AGAP1: variants seen among roughly 807,000 people sequenced by gnomAD.
AGAP1 encodes the protein ArfGAP with GTPase domain, ankyrin repeat and PH domain 1.
AGAP1 carries 29 observed loss-of-function variants against 105.3 expected under a neutral mutation model. That is an observed-to-expected ratio of 0.28 (90% confidence interval 0.21 to 0.38). The LOEUF (loss-of-function observed/expected upper bound fraction) is 0.38. Ranked by LOEUF, AGAP1 falls within the 10% of genes least tolerant of loss-of-function variation. AGAP1 has a pLI of 1.00. For synonymous variants in AGAP1, 509 were observed against 485.9 expected (o/e 1.05, Z -0.63); for missense variants, 998 against 1,165.1 (o/e 0.86, Z 2.09).
At chr2:235,844,468 G>A (rs964622463) in intron 9 of AGAP1, among the ~76,000 whole-genome samples, 1 of 152,144 alleles carries the variant, frequency 6.6e-6, no homozygotes, top group Non-Finnish European at 1.5e-5. Context: ...TTAAATGTTG[G>A]CAACTGATTC....
Position 235,965,623 on chromosome 2 carries a change from G to A in AGAP1, c.1484-2839G>A, listed in dbSNP as rs1470922057. 6.6e-6 allele frequency among the ~76,000 whole-genome samples: 1 copy of A among 152,156 alleles called. No individual in the cohort carries two copies. The highest frequency in any genetic ancestry group is 1.5e-5 in the Non-Finnish European group (1 of 68,042). On this transcript the variant is annotated intron_variant, in intron 12 of 17. Transcript: ENST00000304032. This position sits in a 1 kb window ranked among gnomAD's most constrained non-coding sequence, Gnocchi z 5.8. ...TTTTCTAATCTGTAAAGTGGAGGTG[G>A]TAGGGATACCACGTGCCTCAGCGGA...
intron 1 of AGAP1, among the ~76,000 whole-genome samples, chr2:235,565,160 T>A (rs58195046): frequency 6.8e-6 from 1 of 147,130 alleles, no homozygotes; most frequent in Non-Finnish European, 1.5e-5. Flanking sequence ...GGTGTGAGCC[T>A]GGACCACCAC....
chr2:236,048,903 C>A (rs2057810085), intron 15 of AGAP1, among the ~76,000 whole-genome samples, 156 bp from the exon 16 acceptor site: 1 of 152,266 alleles, frequency 6.6e-6, no homozygotes, highest in South Asian at 2.1e-4. Flanking sequence ...ACACCTGAAA[C>A]AGGACTGAGC....
chr2:235,640,854 T>C (rs1006145420), intron 1 of AGAP1, among the ~76,000 whole-genome samples: 6 of 152,328 alleles, frequency 3.9e-5, no homozygotes, highest in South Asian at 2.1e-4. Flanking sequence ...ATTTGGTGGA[T>C]TGGAAAAGAT....
intron 1 of AGAP1, among the ~76,000 whole-genome samples, chr2:235,568,060 C>T (rs185010107): frequency 6.6e-6 from 1 of 152,224 alleles, no homozygotes; most frequent in Non-Finnish European, 1.5e-5. Context: ...TCCCTTCAGT[C>T]TCTGGGGCTC....
chr2:236,102,212 TC>T (rs2059367644), intron 16 of AGAP1, among the ~76,000 whole-genome samples: 1 of 151,924 alleles, frequency 6.6e-6, no homozygotes, highest in Non-Finnish European at 1.5e-5. Context: ...GGTCAGGAGA[TC>T]GAGACCATCC....
chr2:235,950,404 G>A lies in AGAP1; in HGVS notation c.1484-18058G>A, dbSNP rs1324305603. Among the ~76,000 whole-genome samples, 19 of 151,912 alleles carry A rather than the reference G, an allele frequency of 1.3e-4. 1 individual carries two copies. The highest frequency in any genetic ancestry group is 1.5e-5 in the Non-Finnish European group (1 of 67,974). ...GTGTGGGCAGGAGCAAATGCCGGGA[G>A]TATATGCAAGAGAAAATTATGGCTG... On this transcript the variant is annotated intron_variant, in intron 12 of 17. Coordinates refer to ENST00000304032, the MANE Select transcript of AGAP1 (RefSeq NM_001037131.3).
chr2:235,576,003 T>C (rs895734425), intron 1 of AGAP1, among the ~76,000 whole-genome samples: 1 of 152,210 alleles, frequency 6.6e-6, no homozygotes, highest in African/African-American at 2.4e-5. Context: ...TACCTTTCCC[T>C]TGTCCTAGGG....
At chr2:236,030,311 A>T (rs2057186678) in intron 13 of AGAP1, among the ~76,000 whole-genome samples, 1 of 152,346 alleles carries the variant, frequency 6.6e-6, no homozygotes, top group Non-Finnish European at 1.5e-5. Context: ...CACCATGCCC[A>T]GCCTGTATCA....
intron 1 of AGAP1, among the ~76,000 whole-genome samples, chr2:235,619,058 G>A (rs952146921): frequency 3.9e-5 from 6 of 152,218 alleles, no homozygotes; most frequent in East Asian, 3.9e-4. Context: ...GCTAGGAGCC[G>A]GAAAAGGCAA....
At position 235,744,761 on chromosome 2, in the gene AGAP1, A is replaced by G. The variant is rs1281504119; in HGVS notation, c.460A>G (p.Thr154Ala). 6.2e-7 allele frequency: 1 copy of G among 1,613,878 alleles called. No individual in the cohort carries two copies. The highest frequency in any genetic ancestry group is 2.2e-5 in the East Asian group (1 of 44,820). The change falls in exon 5 of 18, where the codon ACC becomes GCC. Residue 154 changes from threonine (T) to alanine (A), a missense_variant. Coordinates refer to ENST00000304032, the MANE Select transcript of AGAP1 (RefSeq NM_001037131.3). This position sits in a 1 kb window ranked among gnomAD's most constrained non-coding sequence, Gnocchi z 5.2. Reference protein sequence around the residue: ...FSLEDEISFQTVYHYYSRMAN... With the variant: ...FSLEDEISFQAVYHYYSRMAN... ...CTTGGAGGATGAAATAAGTTTCCAG[A>G]CCGTTTACCACTACTACAGTCGAAT...
At chr2:235,899,765 G>T (rs1409610005) in intron 10 of AGAP1, among the ~76,000 whole-genome samples, 2 of 151,960 alleles carry the variant, frequency 1.3e-5, no homozygotes, top group East Asian at 1.9e-4. Context: ...CAGTGACTGT[G>T]TAGAGACAAG....
At chr2:235,704,336 T>C (rs1162480710) in intron 1 of AGAP1, among the ~76,000 whole-genome samples, 4 of 152,224 alleles carry the variant, frequency 2.6e-5, no homozygotes, top group Non-Finnish European at 4.4e-5. Flanking sequence ...GACAAAGCTC[T>C]GCAGGGAGCT....
At chr2:235,650,869 C>T (rs1432259993) in intron 1 of AGAP1, among the ~76,000 whole-genome samples, 1 of 152,018 alleles carries the variant, frequency 6.6e-6, no homozygotes, top group African/African-American at 2.4e-5. Context: ...TGTGTGGCAC[C>T]ATTAGGAGAC....
chr2:235,829,660 T>A (rs1451928955), intron 9 of AGAP1, among the ~76,000 whole-genome samples: 1 of 152,258 alleles, frequency 6.6e-6, no homozygotes, highest in Non-Finnish European at 1.5e-5. Flanking sequence ...TTTAATTTTT[T>A]GGACTCTCTG....
At chr2:235,902,068 AATC>A (rs2051091430) in intron 10 of AGAP1, among the ~76,000 whole-genome samples, 1 of 152,234 alleles carries the variant, frequency 6.6e-6, no homozygotes, top group Non-Finnish European at 1.5e-5. Context: ...CAAAATAAAA[AATC>A]ATGAGAAGGG....
At chr2:235,525,593 T>C (rs1400271267) in intron 1 of AGAP1, among the ~76,000 whole-genome samples, 1 of 151,634 alleles carries the variant, frequency 6.6e-6, no homozygotes, top group African/African-American at 2.4e-5. Flanking sequence ...AGTAGAGGAC[T>C]GACACATAAT....
Position 235,809,612 on chromosome 2 carries a change from G to A in AGAP1, c.1050+2281G>A, listed in dbSNP as rs149923827. 1.9e-3 allele frequency among the ~76,000 whole-genome samples: 285 copies of A among 152,252 alleles called. 1 individual carries two copies. Among genetic ancestry groups the A allele is most frequent in the Middle Eastern group, 3.4e-3 (1 of 294 alleles). On this transcript the variant is annotated intron_variant, in intron 9 of 17. Coordinates refer to ENST00000304032, the MANE Select transcript of AGAP1 (RefSeq NM_001037131.3). Reference sequence around the variant, plus strand: ...TAGCAAAACTGGATTTTTAAATCGGGGCACCCTTGTCAAAGCCTCTCTGTG... The same window carrying A: ...TAGCAAAACTGGATTTTTAAATCGGAGCACCCTTGTCAAAGCCTCTCTGTG...
At chr2:235,746,290 G>GGA (rs1553620131) in intron 5 of AGAP1, among the ~76,000 whole-genome samples, 4 of 125,178 alleles carry the variant, frequency 3.2e-5, no homozygotes, top group African/African-American at 1.2e-4. Context: ...CATCTCAAGG[G>GGA]AAAAAAAAAA....
Sources: allele counts gnomAD v4.1 joint callset (sites outside exome capture counted in the v4.1 genomes callset), GRCh38; gene constraint gnomAD v4.1.1; non-coding constraint Gnocchi (gnomAD v3.1); transcripts MANE v1.5; gene names NCBI Gene and HGNC (gene_info 2026-07-23, HGNC 2026-07-21).